The following ANXA3 variants were observed in gnomAD, a reference collection of about 807,000 sequenced individuals.
ANXA3 encodes the protein annexin A3, also known as 35-alpha calcimedin.
In ANXA3, 46 loss-of-function variants were observed where a neutral mutation model predicts 48.8. The observed-to-expected ratio is 0.94, with a 90% CI of 0.74 to 1.21. ANXA3 has a LOEUF of 1.21. ANXA3 is among the 50% of genes most tolerant of loss of function. The pLI, the probability that ANXA3 is intolerant of heterozygous loss-of-function variation, is 0.00. For synonymous variants in ANXA3, 128 were observed against 134.7 expected, an observed-to-expected ratio of 0.95 and a Z score of 0.35; for missense variants, 383 against 378.6, an observed-to-expected ratio of 1.01 and a Z score of -0.10.
At chr4:78,565,446 G>A (rs1286701888) in intron 2 of ANXA3, among the ~76,000 whole-genome samples, 4 of 152,200 alleles carry the variant, frequency 2.6e-5, no homozygotes, top group Non-Finnish European at 4.4e-5. Flanking sequence ...GCGCCCATGC[G>A]ATTATCTTCT....
intron 2 of ANXA3, among the ~76,000 whole-genome samples, chr4:78,557,696 T>C (rs1157447731): frequency 2.7e-5 from 4 of 150,876 alleles, no homozygotes; most frequent in Non-Finnish European, 1.5e-5. Flanking sequence ...TTTCTTTTTT[T>C]TTTTTTTTTT....
intron 2 of ANXA3, among the ~76,000 whole-genome samples, chr4:78,558,062 G>C (rs567856117): frequency 6.6e-6 from 1 of 152,338 alleles, no homozygotes; most frequent in South Asian, 2.1e-4. Context: ...TGTTGTGTGA[G>C]AGGAAGAAAA....
At chr4:78,596,763 A>G (rs1723432195) in intron 9 of ANXA3, among the ~76,000 whole-genome samples, 1 of 152,172 alleles carries the variant, frequency 6.6e-6, no homozygotes, top group Non-Finnish European at 1.5e-5. Flanking sequence ...TTGGGGAAAA[A>G]TATACTTGGC....
At chr4:78,588,630 G>A (rs1207748030) in intron 6 of ANXA3, among the ~76,000 whole-genome samples, 1 of 152,142 alleles carries the variant, frequency 6.6e-6, no homozygotes, top group African/African-American at 2.4e-5. Flanking sequence ...GGCTCCATCT[G>A]TAGGTACTGG....
At chr4:78,582,324 G>T in intron 5 of ANXA3, 34 bp downstream of exon 5, 2 of 1,423,174 alleles carry the variant, frequency 1.4e-6, no homozygotes, top group South Asian at 1.2e-5. Context: ...TCTGCCCAGG[G>T]TTTGACCAAG....
At chr4:78,591,472 T>A in intron 6 of ANXA3, 72 bp from the exon 7 acceptor site, 1 of 1,051,614 alleles carries the variant, frequency 9.5e-7, no homozygotes, top group Non-Finnish European at 1.5e-6. Context: ...TGTTGGCATT[T>A]AAACTTTTCT....
intron 10 of ANXA3, among the ~76,000 whole-genome samples, chr4:78,598,797 C>T (rs1723479486): frequency 6.6e-6 from 1 of 152,110 alleles, no homozygotes; most frequent in East Asian, 1.9e-4. Flanking sequence ...ACCTCTGCCT[C>T]CCAAAGTGCT....
intron 6 of ANXA3, among the ~76,000 whole-genome samples, chr4:78,586,664 G>A (rs1268301518): frequency 2.0e-5 from 3 of 152,142 alleles, no homozygotes; most frequent in African/African-American, 4.8e-5. Flanking sequence ...GACTCAAATC[G>A]TATTTTATTT....
In ANXA3 at chr4:78,573,652, G is replaced by A. The variant is rs148168266; in HGVS notation, c.103+385G>A. 3.3e-5 allele frequency among the ~76,000 whole-genome samples: 5 copies of A among 152,290 alleles called. No homozygotes were observed. The East Asian group carries it at 9.7e-4, about 29-fold the overall frequency. On this transcript the variant is annotated intron_variant, in intron 3 of 12. Transcript: ENST00000264908. Reference sequence around the variant, plus strand: ...ACACTCAGGAAAGGGGAGTGTGAGTGTACTCAAGAGACAGTCGTGCACAAG... The same window carrying A: ...ACACTCAGGAAAGGGGAGTGTGAGTATACTCAAGAGACAGTCGTGCACAAG...
chr4:78,570,745 T>C (rs1722826438), intron 2 of ANXA3, among the ~76,000 whole-genome samples: 1 of 152,230 alleles, frequency 6.6e-6, no homozygotes, highest in African/African-American at 2.4e-5. Flanking sequence ...GGGGCTGTTA[T>C]GCAGATTATA....
rs559203256 is a variant in ANXA3, at chr4:78,564,339, C to A, written c.16-8841C>A. Reference sequence around the variant, plus strand: ...CAAATCTCCCAGAATACAATAGGAACTTTGATTTCTAGACTATTGATACTT... The same window carrying A: ...CAAATCTCCCAGAATACAATAGGAAATTTGATTTCTAGACTATTGATACTT... On this transcript the variant is annotated intron_variant, in intron 2 of 12. Transcript: ENST00000264908. 5.8e-4 allele frequency among the ~76,000 whole-genome samples: 88 copies of A among 152,214 alleles called. 2 individuals carry two copies. Among genetic ancestry groups the A allele is most frequent in the Non-Finnish European group, 1.5e-4 (10 of 68,040 alleles).
At chr4:78,573,373 T>C in intron 3 of ANXA3, 106 bp downstream of exon 3, 1 of 765,774 alleles carries the variant, frequency 1.3e-6, no homozygotes, top group Non-Finnish European at 2.2e-6. Flanking sequence ...TAATAAATTG[T>C]CAGGAATTTT....
intron 3 of ANXA3, among the ~76,000 whole-genome samples, chr4:78,577,590 G>C (rs1316470174): frequency 6.6e-6 from 1 of 152,164 alleles, no homozygotes; most frequent in Non-Finnish European, 1.5e-5. Flanking sequence ...GACACAGAAA[G>C]GCAGCATCTT....
chr4:78,552,591 A>G (rs1321640919), intron 1 of ANXA3, among the ~76,000 whole-genome samples: 1 of 152,178 alleles, frequency 6.6e-6, no homozygotes, highest in Non-Finnish European at 1.5e-5. Context: ...ATAGGAAAGT[A>G]TGCAGGTGCT....
chr4:78,595,882 A>G lies in ANXA3; in HGVS notation c.629A>G (p.Lys210Arg). 1 of 1,587,504 alleles carries G rather than the reference A, an allele frequency of 6.3e-7. No individual in the cohort carries two copies. Among genetic ancestry groups the G allele is most frequent in the Non-Finnish European group, 8.6e-7 (1 of 1,156,136 alleles). Residue 210 changes from lysine (K) to arginine (R), a missense_variant, in exon 9 of 13, where the codon AAA (lysine) becomes AGA (arginine). Transcript: ENST00000264908. ...ILCLRSFPQLKLTFDEYRNIS... is the reference protein window; with the variant it reads ...ILCLRSFPQLRLTFDEYRNIS... ...TGTTTAAGGAGCTTTCCTCAATTAAAACTAAGTACAAACTCACATTACAAT... is the reference window on the plus strand; with the variant it reads ...TGTTTAAGGAGCTTTCCTCAATTAAGACTAAGTACAAACTCACATTACAAT...
chr4:78,596,901 C>T (rs1342893541), intron 9 of ANXA3, among the ~76,000 whole-genome samples: 1 of 152,142 alleles, frequency 6.6e-6, no homozygotes, highest in African/African-American at 2.4e-5. Context: ...AATGATTCAG[C>T]ACAAGGAAGT....
At chr4:78,574,760 T>C (rs189545172) in intron 3 of ANXA3, among the ~76,000 whole-genome samples, 5 of 152,368 alleles carry the variant, frequency 3.3e-5, no homozygotes, top group African/African-American at 1.2e-4. Flanking sequence ...GGAATATTGA[T>C]GGAACATTTA....
At chr4:78,558,878 G>A (rs1439812541) in intron 2 of ANXA3, among the ~76,000 whole-genome samples, 4 of 152,136 alleles carry the variant, frequency 2.6e-5, no homozygotes, top group East Asian at 1.9e-4. Flanking sequence ...GTCTTAGAAC[G>A]TGACTTTTTA....
intron 2 of ANXA3, among the ~76,000 whole-genome samples, chr4:78,563,350 C>A (rs1033896228): frequency 6.6e-6 from 1 of 152,170 alleles, no homozygotes; most frequent in African/African-American, 2.4e-5. Context: ...CCAAATCCTG[C>A]AAAGCCAGTG....
Sources: allele counts gnomAD v4.1 joint callset (sites outside exome capture counted in the v4.1 genomes callset), GRCh38; gene constraint gnomAD v4.1.1; transcripts MANE v1.5; gene names NCBI Gene and HGNC (gene_info 2026-07-23, HGNC 2026-07-21).